The following ANO6 variants were observed in gnomAD, a reference collection of about 807,000 sequenced individuals.
The protein encoded by ANO6 is anoctamin-6.
Under a neutral mutation model 117.5 loss-of-function variants are expected in ANO6, and 106 were observed. That is an observed-to-expected ratio of 0.90 (90% CI 0.77 to 1.06). The LOEUF (loss-of-function observed/expected upper bound fraction) is 1.06, where lower values mean the gene tolerates loss of function less well. Among genes scored for constraint, ANO6 ranks in the 50% least tolerant of loss-of-function variants. The pLI is 0.00. For missense variants in ANO6, 955 were observed against 1,121.1 expected, an observed-to-expected ratio of 0.85 and a Z score of 2.12; for synonymous variants, 367 against 385.1, an observed-to-expected ratio of 0.95 and a Z score of 0.55.
chr12:45,404,126 C>CT (rs1168283485), intron 15 of ANO6, among the ~76,000 whole-genome samples: 1 of 152,114 alleles, frequency 6.6e-6, no homozygotes, highest in African/African-American at 2.4e-5. Flanking sequence ...TGAGTACAAA[C>CT]TTTTAAGAAT....
At chr12:45,291,213 G>C (rs1488851381) in intron 1 of ANO6, among the ~76,000 whole-genome samples, 4 of 152,014 alleles carry the variant, frequency 2.6e-5, no homozygotes, top group African/African-American at 9.7e-5. Flanking sequence ...GGGCATGGTG[G>C]TGCATGCCTG....
chr12:45,289,302 G>T (rs1939020657), intron 1 of ANO6, among the ~76,000 whole-genome samples: 1 of 151,602 alleles, frequency 6.6e-6, no homozygotes, highest in Admixed American at 6.6e-5. Context: ...GAGTAGCTCG[G>T]ATTACAGGTG....
At chr12:45,339,990 T>A (rs1940935241) in intron 3 of ANO6, among the ~76,000 whole-genome samples, 2 of 152,152 alleles carry the variant, frequency 1.3e-5, no homozygotes, top group Admixed American at 1.3e-4. Context: ...CAGTCCCTGC[T>A]TTTTACACTG....
intron 10 of ANO6, among the ~76,000 whole-genome samples, chr12:45,379,934 G>A (rs1159337667): frequency 6.6e-6 from 1 of 152,136 alleles, no homozygotes; most frequent in Non-Finnish European, 1.5e-5. Context: ...TGTTACTTCT[G>A]CTTTGAGAAC....
chr12:45,405,446 T>C (rs755015830), intron 15 of ANO6, among the ~76,000 whole-genome samples: 1 of 152,220 alleles, frequency 6.6e-6, no homozygotes, highest in Non-Finnish European at 1.5e-5. Flanking sequence ...AGTAAGCTCA[T>C]TGTTGAAAAT....
At chr12:45,340,576 C>T (rs1375682930) in intron 3 of ANO6, among the ~76,000 whole-genome samples, 1 of 152,048 alleles carries the variant, frequency 6.6e-6, no homozygotes, top group Non-Finnish European at 1.5e-5. Context: ...CATAGACTAT[C>T]AGTTTAGGTT....
At chr12:45,353,180 C>T (rs936079051) in intron 7 of ANO6, among the ~76,000 whole-genome samples, 9 of 152,036 alleles carry the variant, frequency 5.9e-5, no homozygotes, top group East Asian at 1.9e-4. Context: ...CAGCTATCAA[C>T]GATCATTACT....
chr12:45,275,422 C>A (rs1257685275), intron 1 of ANO6, among the ~76,000 whole-genome samples: 1 of 152,074 alleles, frequency 6.6e-6, no homozygotes, highest in Non-Finnish European at 1.5e-5. Context: ...ATTGGCCAGG[C>A]TGGTCTCGAA....
intron 1 of ANO6, among the ~76,000 whole-genome samples, chr12:45,287,691 G>A (rs907291733): frequency 2.0e-5 from 3 of 152,128 alleles, no homozygotes; most frequent in Non-Finnish European, 4.4e-5. Flanking sequence ...GAATTTTGGG[G>A]CATTTACTGA....
intron 2 of ANO6, among the ~76,000 whole-genome samples, chr12:45,324,903 A>G (rs1940408024): frequency 6.6e-6 from 1 of 152,222 alleles, no homozygotes; most frequent in Non-Finnish European, 1.5e-5. Flanking sequence ...AACTTGACAC[A>G]GTCACATGTG....
At chr12:45,242,478 C>T (rs1364868182) in intron 1 of ANO6, among the ~76,000 whole-genome samples, 3 of 152,232 alleles carry the variant, frequency 2.0e-5, no homozygotes, top group African/African-American at 4.8e-5. Flanking sequence ...TACAGACTGT[C>T]GTGGCTTCCC....
chr12:45,241,072 A>G (rs1054047098), intron 1 of ANO6, among the ~76,000 whole-genome samples: 12 of 152,256 alleles, frequency 7.9e-5, no homozygotes, highest in African/African-American at 2.4e-4. Context: ...TGTTCTCTGT[A>G]TTCCCTGAAT....
At chr12:45,372,596 A>C (rs1335966180) in intron 9 of ANO6, among the ~76,000 whole-genome samples, 3 of 148,754 alleles carry the variant, frequency 2.0e-5, no homozygotes, top group Non-Finnish European at 3.0e-5. Context: ...CCAGAATTTC[A>C]TATCCAGCCA....
At chr12:45,400,379 A>G (rs1435767566) in intron 12 of ANO6, among the ~76,000 whole-genome samples, 1 of 152,198 alleles carries the variant, frequency 6.6e-6, no homozygotes, top group Non-Finnish European at 1.5e-5. Flanking sequence ...AGCCTTATCT[A>G]ATTTTTACAT....
chr12:45,296,602 A>G (rs1939302255), intron 1 of ANO6, among the ~76,000 whole-genome samples: 1 of 152,066 alleles, frequency 6.6e-6, no homozygotes, highest in Non-Finnish European at 1.5e-5. Flanking sequence ...GCTGATTTTT[A>G]AAATTTATAT....
chr12:45,430,837 A>G lies in ANO6; in HGVS notation c.*1526A>G. 3 of 985,346 alleles carry G rather than the reference A, an allele frequency of 3.0e-6. No individual in the cohort carries two copies. Among genetic ancestry groups the G allele is most frequent in the Non-Finnish European group, 3.6e-6 (3 of 829,990 alleles). 61.0% of individuals were successfully genotyped at this position (985,346 alleles called of 1,614,324 possible). On this transcript the variant is annotated 3_prime_UTR_variant, in exon 20 of 20. Transcript: ENST00000320560. ...CAGGGAGCCAGGCCCTCTCACCCCT[A>G]CTGGTAACAGGTCATTGCTGGGTGC...
chr12:45,240,034 T>C (rs943556974), intron 1 of ANO6, among the ~76,000 whole-genome samples: 4 of 152,180 alleles, frequency 2.6e-5, no homozygotes, highest in Admixed American at 2.6e-4. Flanking sequence ...AGCTGTCTAT[T>C]AGGTCTGCTT....
intron 1 of ANO6, among the ~76,000 whole-genome samples, chr12:45,239,492 C>T (rs1947703150): frequency 7.6e-6 from 1 of 132,304 alleles, no homozygotes; most frequent in African/African-American, 2.8e-5. Context: ...AGAAAACCAG[C>T]TCCTGGATTC....
At chr12:45,240,242 T>C (rs1947717226) in intron 1 of ANO6, among the ~76,000 whole-genome samples, 2 of 152,076 alleles carry the variant, frequency 1.3e-5, no homozygotes, top group African/African-American at 4.8e-5. Flanking sequence ...GAGAGTTAGT[T>C]CTTCTTGTTG....
Sources: gnomAD v4.1 joint callset for allele counts (sites outside exome capture counted in the v4.1 genomes callset) on GRCh38, gnomAD v4.1.1 for gene constraint, MANE v1.5 for transcripts, NCBI Gene and HGNC (gene_info 2026-07-23, HGNC 2026-07-21) for gene names.